Variants in FGFR2 observed in about 807,000 individuals in gnomAD.
FGFR2 encodes fibroblast growth factor receptor 2.
In FGFR2, 19 loss-of-function variants were observed where a neutral mutation model predicts 95.9. That is an observed-to-expected ratio of 0.20 (90% CI 0.14 to 0.29). FGFR2 has a LOEUF of 0.29. FGFR2 is among the 10% of genes least tolerant of loss of function. The pLI is 1.00. For missense variants in FGFR2, 707 were observed against 1,056.9 expected, an observed-to-expected ratio of 0.67 and a Z score of 4.59; for synonymous variants, 392 against 393.3, an observed-to-expected ratio of 1.00 and a Z score of 0.04.
At chr10:121,487,940 T>C in intron 14 of FGFR2, 51 bp downstream of exon 14, 1 of 1,612,710 alleles carries the variant, frequency 6.2e-7, no homozygotes, top group African/African-American at 1.3e-5. Flanking sequence ...TCCTGGAACA[T>C]TCTGAGCCTC....
intron 4 of FGFR2, among the ~76,000 whole-genome samples, chr10:121,553,920 G>A (rs865963673): frequency 7.2e-5 from 11 of 152,198 alleles, no homozygotes; most frequent in Admixed American, 4.6e-4. Context: ...CAGACCACGC[G>A]CACCTATGCA....
chr10:121,571,293 C>CTTTTT lies in FGFR2; in HGVS notation c.110-5590_110-5589insAAAAA, dbSNP rs1564712761. ...TACAGGCGTGAGCCACCGTGCCTGG[C>CTTTTT]CTTTTTTTTTTTTTTTTTTTTTTTT... On this transcript the variant is annotated intron_variant, in intron 2 of 17. Transcript: ENST00000358487. Among the ~76,000 whole-genome samples, 151 of 87,082 alleles carry CTTTTT rather than the reference C, an allele frequency of 1.7e-3. 5 individuals are homozygous for CTTTTT. Among genetic ancestry groups the CTTTTT allele is most frequent in the Non-Finnish European group, 2.4e-3 (112 of 45,822 alleles). 57.1% of individuals were successfully genotyped at this position (87,082 alleles called of 152,430 possible).
chr10:121,479,685 A>G lies in FGFR2; in HGVS notation c.*172T>C. On this transcript the variant is annotated 3_prime_UTR_variant, in exon 18 of 18. Coordinates refer to ENST00000358487, the MANE Select transcript of FGFR2 (RefSeq NM_000141.5). ...TTCTTCTCCTCCTGGGGAAGATTAC[A>G]AGTTTTCAACTGTATAAATCTTTAC... 1 of 1,563,592 alleles carries G rather than the reference A, an allele frequency of 6.4e-7. No homozygotes were observed. The highest frequency in any genetic ancestry group is 2.4e-5 in the East Asian group (1 of 42,008).
intron 17 of FGFR2, 38 bp from the exon 18 acceptor site, chr10:121,480,059 G>A (rs1844470351): frequency 1.3e-6 from 2 of 1,576,602 alleles, no homozygotes; most frequent in Non-Finnish European, 1.7e-6. Context: ...TTTCATCTTG[G>A]GTCAGGATAA....
At chr10:121,546,747 G>A (rs988174373) in intron 5 of FGFR2, among the ~76,000 whole-genome samples, 2 of 152,078 alleles carry the variant, frequency 1.3e-5, no homozygotes, top group Non-Finnish European at 2.9e-5. Flanking sequence ...ATCCATAAAC[G>A]GGTAGAAAGA....
chr10:121,533,874 C>G (rs1852427625), intron 6 of FGFR2, among the ~76,000 whole-genome samples: 1 of 152,166 alleles, frequency 6.6e-6, no homozygotes, highest in African/African-American at 2.4e-5. Context: ...CCAGCTGAAC[C>G]TGAACTTCCT....
intron 5 of FGFR2, 71 bp downstream of exon 5, chr10:121,551,219 C>CAA (rs199542453): frequency 1.2e-5 from 16 of 1,365,706 alleles, no homozygotes; most frequent in African/African-American, 8.9e-5. Context: ...GACTCCATCG[C>CAA]AAAAAAAAAA....
chr10:121,517,380 C>A lies in FGFR2; in HGVS notation c.1023G>T (p.Thr341=), dbSNP rs201648220. Residue 341 remains threonine (T), a synonymous_variant, in exon 8 of 18, where the codon ACG becomes ACT. Coordinates refer to ENST00000358487, the MANE Select transcript of FGFR2 (RefSeq NM_000141.5). This position sits in a 1 kb window ranked among gnomAD's most constrained non-coding sequence, Gnocchi z 4.7. ...TCCCAATAGAATTACCCGCCAAGCA[C>A]GTATATTCCCCAGCGTCCTCAAAAG... ...NVTFEDAGEY[T]CLAGNSIGIS... 1 of 1,614,192 alleles carries A rather than the reference C, an allele frequency of 6.2e-7. No homozygotes were observed. Among genetic ancestry groups the A allele is most frequent in the Admixed American group, 1.7e-5 (1 of 60,032 alleles).
chr10:121,537,495 G>A (rs1017250289), intron 6 of FGFR2, among the ~76,000 whole-genome samples: 34 of 151,380 alleles, frequency 2.2e-4, no homozygotes, highest in Admixed American at 8.5e-4. Flanking sequence ...AATATGTAAC[G>A]GGGTCTCCCT....
At chr10:121,597,145 G>C (rs1256742612) in intron 1 of FGFR2, among the ~76,000 whole-genome samples, 1 of 152,240 alleles carries the variant, frequency 6.6e-6, no homozygotes, top group Non-Finnish European at 1.5e-5. Flanking sequence ...GACGGAGGCT[G>C]GTGGTCCCCG....
intron 6 of FGFR2, among the ~76,000 whole-genome samples, chr10:121,524,146 A>ACACACACACCCCCCCC (rs142755962): frequency 1.5e-5 from 2 of 136,888 alleles, no homozygotes; most frequent in Non-Finnish European, 3.1e-5. Flanking sequence ...ACACACACAC[A>ACACACACACCCCCCCC]CCCCAAGTTT....
chr10:121,504,523 C>T (rs1246593409), intron 9 of FGFR2, among the ~76,000 whole-genome samples: 1 of 152,204 alleles, frequency 6.6e-6, no homozygotes, highest in Non-Finnish European at 1.5e-5. Flanking sequence ...CCCCAGACCC[C>T]AGCATTGGGG....
rs537465240 is a variant in FGFR2, at chr10:121,595,281, C to CT, written c.-150-1315dup. ...CCAAATCTCATCATAAAAACTGCTCCTTTTAGCTTTGACTGAGGACAAAAA... is the reference window on the plus strand; with the variant it reads ...CCAAATCTCATCATAAAAACTGCTCCTTTTTAGCTTTGACTGAGGACAAAAA... On this transcript the variant is annotated intron_variant, in intron 1 of 17. Coordinates refer to ENST00000358487, the MANE Select transcript of FGFR2 (RefSeq NM_000141.5). Among the ~76,000 whole-genome samples, 189 of 152,310 alleles carry CT rather than the reference C, an allele frequency of 1.2e-3. 1 individual carries two copies. In the Middle Eastern group the frequency reaches 0.024, roughly 19 times the overall value.
intron 3 of FGFR2, among the ~76,000 whole-genome samples, chr10:121,564,950 A>G (rs2912788): frequency 1.2e-3 from 184 of 152,274 alleles, no homozygotes; most frequent in African/African-American, 4.3e-3. Context: ...TCCTTGAAGA[A>G]AGAAATTGAT....
chr10:121,515,433 G>T, intron 8 of FGFR2, 114 bp from the exon 9 acceptor site: 1 of 1,045,576 alleles, frequency 9.6e-7, no homozygotes, highest in Non-Finnish European at 1.5e-6. Flanking sequence ...CATTCTCAAG[G>T]CAAGGTGGGC....
chr10:121,518,069 C>T lies in FGFR2; in HGVS notation c.940-606G>A, dbSNP rs1034362403. Reference sequence around the variant, plus strand: ...CATCTTGGTAACCAAAAAAACTGGGCTTTTTCTCTTTTCATTAATAAACAT... The same window carrying T: ...CATCTTGGTAACCAAAAAAACTGGGTTTTTTCTCTTTTCATTAATAAACAT... On this transcript the variant is annotated intron_variant, in intron 7 of 17. Coordinates refer to ENST00000358487, the MANE Select transcript of FGFR2 (RefSeq NM_000141.5). The surrounding 1 kb of genome is among the most constrained non-coding windows in gnomAD (Gnocchi z 4.0). 2.0e-6 allele frequency: 1 copy of T among 493,930 alleles called. No individual in the cohort carries two copies. Among genetic ancestry groups the T allele is most frequent in the African/African-American group, 2.0e-5 (1 of 50,588 alleles). The allele number at this position is 493,930 out of a possible 1,614,324, so 30.6% of individuals were successfully genotyped here. A position where few individuals can be genotyped will look rare whatever the true frequency, so the allele number is the denominator to read the frequency against.
rs76199903 is a variant in FGFR2 at position 121,574,751 on chromosome 10, T to C, written c.110-9047A>G. Among the ~76,000 whole-genome samples the C allele has an allele frequency of 5.3e-3, 803 of 152,156 alleles. 8 individuals carry two copies. The highest frequency in any genetic ancestry group is 0.018 in the African/African-American group (745 of 41,506). On this transcript the variant is annotated intron_variant, in intron 2 of 17. Coordinates refer to ENST00000358487, the MANE Select transcript of FGFR2 (RefSeq NM_000141.5). ...CATCAAACAGAGACCTTATAAGGCA[T>C]AGGTACTACGTGTTCTTTAAGGGGG...
At chr10:121,504,319 T>C (rs1053877221) in intron 9 of FGFR2, among the ~76,000 whole-genome samples, 32 of 152,212 alleles carry the variant, frequency 2.1e-4, no homozygotes, top group Non-Finnish European at 3.7e-4. Flanking sequence ...CCCTGGATAA[T>C]GGATCCCCTC....
chr10:121,494,369 G>A (rs1846504954), intron 13 of FGFR2, among the ~76,000 whole-genome samples: 1 of 152,024 alleles, frequency 6.6e-6, no homozygotes, highest in Non-Finnish European at 1.5e-5. Context: ...CCTGACCAAG[G>A]GCATGAGACA....
Sources: allele counts gnomAD v4.1 joint callset (sites outside exome capture counted in the v4.1 genomes callset), GRCh38; gene constraint gnomAD v4.1.1; non-coding constraint Gnocchi (gnomAD v3.1); transcripts MANE v1.5; gene names NCBI Gene and HGNC (gene_info 2026-07-23, HGNC 2026-07-21).